The following EEF1E1 variants were observed in gnomAD, a reference collection of about 807,000 sequenced individuals.
The protein encoded by EEF1E1 is eukaryotic translation elongation factor 1 epsilon-1.
A neutral mutation model predicts 19.9 loss-of-function variants in EEF1E1; 19 were observed. The ratio of observed to expected loss-of-function variants is 0.95; its 90% CI spans 0.66 to 1.40. The LOEUF (loss-of-function observed/expected upper bound fraction) is 1.40, where lower values mean the gene tolerates loss of function less well. Ranked by LOEUF, EEF1E1 falls within the 40% of genes most tolerant of loss-of-function variation. The probability of loss-of-function intolerance (pLI) is 0.00; values close to 1 mark genes in which losing one functional copy is unlikely to be tolerated. For synonymous variants in EEF1E1, 81 were observed against 80.0 expected (o/e 1.01, Z -0.07); for missense variants, 198 against 202.2 (o/e 0.98, Z 0.13).
At chr6:8,095,972 T>C (rs953472500) in intron 2 of EEF1E1, among the ~76,000 whole-genome samples, 5 of 152,126 alleles carry the variant, frequency 3.3e-5, no homozygotes, top group African/African-American at 9.7e-5. Flanking sequence ...AGCGTTTATA[T>C]AGTAGGTGCA....
chr6:8,074,119 G>T (rs1040124253), intron 3 of EEF1E1, among the ~76,000 whole-genome samples: 1 of 152,154 alleles, frequency 6.6e-6, no homozygotes, highest in Admixed American at 6.5e-5. Flanking sequence ...GATGTCTGGA[G>T]TTCTGACGTT....
At chr6:8,082,729 C>T (rs1688919538) in intron 3 of EEF1E1, among the ~76,000 whole-genome samples, 1 of 152,206 alleles carries the variant, frequency 6.6e-6, no homozygotes, top group African/African-American at 2.4e-5. Flanking sequence ...ACGGTTACCA[C>T]TTTCACCTCT....
At chr6:8,102,088 GAA>G (rs560208901) in intron 1 of EEF1E1, 682 of 1,006,896 alleles carry the variant, frequency 6.8e-4, no homozygotes, top group East Asian at 3.1e-3. Context: ...GCGATTACGG[GAA>G]AAAAAAAAAA....
chr6:8,086,829 G>T (rs1037037390), intron 3 of EEF1E1, among the ~76,000 whole-genome samples: 1 of 152,188 alleles, frequency 6.6e-6, no homozygotes, highest in African/African-American at 2.4e-5. Context: ...ACCTACACAT[G>T]CCAGGAATTA....
intron 3 of EEF1E1, among the ~76,000 whole-genome samples, chr6:8,086,583 T>C (rs1361896937): frequency 6.6e-6 from 1 of 152,146 alleles, no homozygotes; most frequent in Non-Finnish European, 1.5e-5. Flanking sequence ...CCCCACACAT[T>C]AAGACACTTC....
At chr6:8,077,004 AG>A (rs1271643991), downstream of EEF1E1, among the ~76,000 whole-genome samples, 6 of 148,720 alleles carry the variant, frequency 4.0e-5, no homozygotes, top group Non-Finnish European at 7.4e-5. Flanking sequence ...GTGCAGTGGC[AG>A]CGATCTCGGC....
chr6:8,092,037 C>T (rs906874667), intron 2 of EEF1E1, among the ~76,000 whole-genome samples: 6 of 152,186 alleles, frequency 3.9e-5, no homozygotes, highest in African/African-American at 1.4e-4. Context: ...CTTCCTGGTT[C>T]ACAGGCAGCT....
chr6:8,102,273 G>C (rs1295385006), intron 1 of EEF1E1, among the ~76,000 whole-genome samples, 162 bp downstream of exon 1: 1 of 152,126 alleles, frequency 6.6e-6, no homozygotes, highest in Non-Finnish European at 1.5e-5. Flanking sequence ...GGCAGGGGCC[G>C]AGGCCCAGAG....
At chr6:8,076,487 C>G (rs1201633285), downstream of EEF1E1, among the ~76,000 whole-genome samples, 1 of 151,972 alleles carries the variant, frequency 6.6e-6, no homozygotes, top group Non-Finnish European at 1.5e-5. Context: ...CCACGCCCGG[C>G]TAATTTTTTG....
At chr6:8,077,633 C>T (rs1247273420), downstream of EEF1E1, among the ~76,000 whole-genome samples, 1 of 152,180 alleles carries the variant, frequency 6.6e-6, no homozygotes, top group African/African-American at 2.4e-5. Context: ...TCACCTTTCT[C>T]AACCTTCATA....
At chr6:8,100,018 T>C (rs374921772) in intron 1 of EEF1E1, among the ~76,000 whole-genome samples, 254 of 152,306 alleles carry the variant, frequency 1.7e-3, no homozygotes, top group Middle Eastern at 6.8e-3. Flanking sequence ...GGCTCACTGC[T>C]GTCAGCTGTC....
downstream of EEF1E1, among the ~76,000 whole-genome samples, chr6:8,075,397 G>A (rs746171971): frequency 9.2e-5 from 14 of 151,810 alleles, 1 homozygote; most frequent in South Asian, 2.1e-4. Context: ...AAGAGTGTGG[G>A]TTCCTTTCTA....
chr6:8,073,496 C>T (rs1214626641), exon 4 of EEF1E1: 2 of 1,551,380 alleles, frequency 1.3e-6, no homozygotes, highest in African/African-American at 2.7e-5. Flanking sequence ...CCTCTGTGTG[C>T]CTCAGCTTCC....
rs1379434981 is a variant in EEF1E1, at chr6:8,099,962, AT to A, written c.87+2472del. On this transcript the variant is annotated intron_variant, in intron 1 of 3. Coordinates refer to ENST00000379715, the MANE Select transcript of EEF1E1 (RefSeq NM_004280.5). ...GATAAGGATCTCTGAACTGCTTTCA[AT>A]TTTTAAACTATGATTGGTAATGTTG... 3.7e-5 allele frequency among the ~76,000 whole-genome samples: 4 copies of A among 108,698 alleles called. No individual in the cohort carries two copies. The East Asian group carries it at 7.9e-4, about 21-fold the overall frequency. The allele number at this position is 108,698 out of a possible 152,430, so 71.3% of individuals were successfully genotyped here. A position where few individuals can be genotyped will look rare whatever the true frequency, so the allele number is the denominator to read the frequency against.
intron 3 of EEF1E1, among the ~76,000 whole-genome samples, chr6:8,087,280 C>A (rs920285324): frequency 2.6e-5 from 4 of 152,142 alleles, no homozygotes; most frequent in African/African-American, 4.8e-5. Context: ...TGCCTTGGTG[C>A]GATCTCTGCT....
Position 8,097,404 on chromosome 6 carries a change from G to T in EEF1E1, c.151C>A (p.Leu51Ile). 6.2e-7 allele frequency: 1 copy of T among 1,614,112 alleles called. No homozygotes were observed. The highest frequency in any genetic ancestry group is 2.2e-5 in the East Asian group (1 of 44,882). ...LTGLTTIAAH[L>I]VKQANKEYLL... Reference sequence around the variant, plus strand: ...TATTCTTTGTTGGCTTGCTTGACTAGATGAGCTGCTATAGTAGTCAATCCT... The same window carrying T: ...TATTCTTTGTTGGCTTGCTTGACTATATGAGCTGCTATAGTAGTCAATCCT... Residue 51 changes from leucine (L) to isoleucine (I), a missense_variant, in exon 2 of 4, where the codon CTA (leucine) becomes ATA (isoleucine). Leu to Ile is a conservative substitution (Grantham distance 5, BLOSUM62 2). Coordinates refer to ENST00000379715, the MANE Select transcript of EEF1E1 (RefSeq NM_004280.5).
At chr6:8,099,208 G>A (rs886832304) in intron 1 of EEF1E1, among the ~76,000 whole-genome samples, 2 of 152,330 alleles carry the variant, frequency 1.3e-5, no homozygotes, top group Admixed American at 1.3e-4. Flanking sequence ...AATGCATAAT[G>A]ATATTCTGGT....
At chr6:8,074,269 G>T (rs1757542855) in intron 3 of EEF1E1, among the ~76,000 whole-genome samples, 1 of 152,134 alleles carries the variant, frequency 6.6e-6, no homozygotes, top group South Asian at 2.1e-4. Flanking sequence ...AACCCACCCT[G>T]ATGTTACTGG....
intron 1 of EEF1E1, among the ~76,000 whole-genome samples, chr6:8,101,243 AATATAT>A (rs1216617377): frequency 2.4e-3 from 138 of 58,192 alleles, no homozygotes; most frequent in South Asian, 4.5e-3. Context: ...AAAAAAAAAA[AATATAT>A]ATATATATAT....
Sources: allele counts gnomAD v4.1 joint callset (sites outside exome capture counted in the v4.1 genomes callset), GRCh38; gene constraint gnomAD v4.1.1; transcripts MANE v1.5; gene names NCBI Gene and HGNC (gene_info 2026-07-23, HGNC 2026-07-21).